Variants in SEC31B observed in about 807,000 individuals in gnomAD.
The protein encoded by SEC31B is protein transport protein Sec31B.
Under a neutral mutation model 135.0 loss-of-function variants are expected in SEC31B, and 113 were observed. The ratio of observed to expected loss-of-function variants is 0.84; its 90% confidence interval spans 0.72 to 0.98. SEC31B has a LOEUF of 0.98. Among genes scored for constraint, SEC31B ranks in the 50% least tolerant of loss-of-function variants. SEC31B has a pLI of 0.00. For synonymous variants in SEC31B, 508 were observed against 549.4 expected (o/e 0.92, Z 1.05); for missense variants, 1,296 against 1,421.1 (o/e 0.91, Z 1.42).
chr10:100,496,472 C>G, intron 17 of SEC31B, 41 bp from the exon 18 acceptor site: 1 of 1,604,784 alleles, frequency 6.2e-7, no homozygotes, highest in South Asian at 1.1e-5. Flanking sequence ...TTCAATGAGG[C>G]ATATCCTGCT....
intron 19 of SEC31B, among the ~76,000 whole-genome samples, chr10:100,493,222 A>T (rs1851336240): frequency 6.6e-6 from 1 of 151,848 alleles, no homozygotes; most frequent in Non-Finnish European, 1.5e-5. Flanking sequence ...AAATACAAAA[A>T]ATTATCCGGG....
In SEC31B at chr10:100,508,063, TG is replaced by T; in HGVS notation, c.496-13del. 6.2e-7 allele frequency: 1 copy of T among 1,614,078 alleles called. No homozygotes were observed. Among genetic ancestry groups the T allele is most frequent in the Non-Finnish European group, 8.5e-7 (1 of 1,179,970 alleles). On this transcript the variant is annotated splice_polypyrimidine_tract_variant and intron_variant, in intron 5 of 25. Coordinates refer to ENST00000370345, the MANE Select transcript of SEC31B (RefSeq NM_015490.4). ...TCCTCTGGAGGCTGCTAAGGCAGGA[TG>T]GGGACAGAAAGATGACAACTTGTCA...
rs12249105 is a variant in SEC31B, at chr10:100,509,524, G to A, written c.204-13C>T. 2,360 of 1,596,616 alleles carry A rather than the reference G, an allele frequency of 1.5e-3. 18 individuals are homozygous for A. The African/African-American group carries it at 0.022, about 15-fold the overall frequency. The stretch of plus-strand genomic sequence containing the variant: ...CAGCTTGTGAAACCTATAAAGAGGA[G>A]GAACTGGCATCAGTACAAACTTAGG... On this transcript the variant is annotated splice_polypyrimidine_tract_variant and intron_variant, in intron 3 of 25. Transcript: ENST00000370345.
chr10:100,497,234 G>A lies in SEC31B; in HGVS notation c.2037C>T (p.Thr679=), dbSNP rs1851428788. 1.2e-6 allele frequency: 2 copies of A among 1,614,252 alleles called. No homozygotes were observed. Among genetic ancestry groups the A allele is most frequent in the Non-Finnish European group, 1.7e-6 (2 of 1,180,048 alleles). The change falls in exon 17 of 26, where the codon ACC becomes ACT. Residue 679 remains threonine (T), a synonymous_variant. Coordinates refer to ENST00000370345, the MANE Select transcript of SEC31B (RefSeq NM_015490.4). The part of the protein sequence containing the change: ...RMEQEGSRAL[T]SEARLCYVCS... The stretch of plus-strand genomic sequence containing the variant: ...ACACATAACAGAGTCTGGCTTCGGA[G>A]GTTAGTGCCCTGCTGCCCTCCTGTT...
At chr10:100,515,699 G>C (rs758045295) in intron 3 of SEC31B, among the ~76,000 whole-genome samples, 5 of 152,222 alleles carry the variant, frequency 3.3e-5, no homozygotes, top group Admixed American at 6.5e-5. Context: ...GAACCAATCA[G>C]TGTCTAAAAG....
At position 100,507,433 on chromosome 10, in the gene SEC31B, G is replaced by A; in HGVS notation, c.774C>T (p.Ser258=). The A allele has an allele frequency of 6.2e-7, 1 of 1,614,200 alleles. No homozygotes were observed. The highest frequency in any genetic ancestry group is 2.2e-5 in the East Asian group (1 of 44,882). Residue 258 remains serine (S), a synonymous_variant, in exon 7 of 26, where the codon AGC becomes AGT. Transcript: ENST00000370345. Reference sequence around the variant, plus strand: ...GACGTCTGAGATGCTACCTGCTGTGGCTCTCCAGCACCTTCAAGGGCGAGG... The same window carrying A: ...GACGTCTGAGATGCTACCTGCTGTGACTCTCCAGCACCTTCAAGGGCGAGG... The part of the protein sequence containing the change: ...FASSPLKVLE[S]HSRGILSVSW...
At chr10:100,517,550 C>T (rs560668728) in intron 1 of SEC31B, among the ~76,000 whole-genome samples, 12 of 152,224 alleles carry the variant, frequency 7.9e-5, no homozygotes, top group Admixed American at 2.6e-4. Flanking sequence ...TTAGTAGAGA[C>T]GTAGTTTTAC....
intron 24 of SEC31B, 59 bp downstream of exon 24, chr10:100,488,799 G>GTCCACAAC: frequency 6.6e-7 from 1 of 1,512,178 alleles, no homozygotes; most frequent in African/African-American, 1.4e-5. Flanking sequence ...CCACAGCTGA[G>GTCCACAAC]GGGTCCTGGA....
At chr10:100,495,302 G>T in intron 19 of SEC31B, 83 bp downstream of exon 19, 1 of 1,269,452 alleles carries the variant, frequency 7.9e-7, no homozygotes, top group Non-Finnish European at 1.1e-6. Flanking sequence ...CATCAGTTTT[G>T]TTCACAATAT....
At chr10:100,501,035 T>TG (rs1851512005) in intron 11 of SEC31B, among the ~76,000 whole-genome samples, 1 of 150,686 alleles carries the variant, frequency 6.6e-6, no homozygotes, top group Non-Finnish European at 1.5e-5. Flanking sequence ...GGTGAAACCC[T>TG]GTCTCTACTA....
Position 100,508,039 on chromosome 10 carries a change from C to T in SEC31B, c.508G>A (p.Asp170Asn), listed in dbSNP as rs750349623. Residue 170 changes from aspartate (D) to asparagine (N), a missense_variant, in exon 6 of 26, where the codon GAC becomes AAC. Transcript: ENST00000370345. Reference protein sequence around the residue: ...LGSKSQQPPEDIKALSWNRQA... With the variant: ...LGSKSQQPPENIKALSWNRQA... ...CGGTTCCAAGACAGTGCCTTGATGT[C>T]CTCTGGAGGCTGCTAAGGCAGGATG... 1.5e-5 allele frequency: 25 copies of T among 1,614,112 alleles called. No homozygotes were observed. The highest frequency in any genetic ancestry group is 1.9e-5 in the Non-Finnish European group (23 of 1,180,056).
chr10:100,487,819 TTAGTGAGCC>T, intron 25 of SEC31B, 24 bp from the exon 26 acceptor site: 1 of 1,612,824 alleles, frequency 6.2e-7, no homozygotes, highest in South Asian at 1.1e-5. Context: ...GACCCTTAGG[TTAGTGAGCC>T]CAACCCAGCT....
chr10:100,488,421 T>C (rs1008173581), intron 24 of SEC31B, among the ~76,000 whole-genome samples: 14 of 139,992 alleles, frequency 1.0e-4, no homozygotes, highest in African/African-American at 3.0e-4. Flanking sequence ...ATCGCGCCAC[T>C]GCACTCCAGC....
Position 100,495,551 on chromosome 10 carries a change from A to G in SEC31B, c.2311-5T>C. On this transcript the variant is annotated splice_region_variant and splice_polypyrimidine_tract_variant and intron_variant, in intron 18 of 25. Transcript: ENST00000370345. ...TCTTAGCTGCTGAACTGGTGGCTAT[A>G]AGTTTTAATGAGGAAGAGCTGTGTC... The G allele has an allele frequency of 6.2e-7, 1 of 1,611,140 alleles. No homozygotes were observed. The highest frequency in any genetic ancestry group is 1.1e-5 in the South Asian group (1 of 90,234).
At chr10:100,492,601 T>C (rs1392746022) in intron 19 of SEC31B, among the ~76,000 whole-genome samples, 2 of 152,180 alleles carry the variant, frequency 1.3e-5, no homozygotes, top group South Asian at 2.1e-4. Flanking sequence ...TAAATGCATA[T>C]AGATTGAAAA....
intron 4 of SEC31B, 24 bp downstream of exon 4, chr10:100,509,292 G>C: frequency 6.2e-7 from 1 of 1,607,512 alleles, no homozygotes; most frequent in South Asian, 1.1e-5. Flanking sequence ...GCTTGGCCAT[G>C]TTTGACTAAC....
At chr10:100,508,625 A>C (rs774710913) in intron 5 of SEC31B, 1 of 421,418 alleles carries the variant, frequency 2.4e-6, no homozygotes, top group African/African-American at 2.1e-5. Flanking sequence ...CTCCATAAAA[A>C]GGACAATGGT....
At chr10:100,519,497 C>A (rs1042908526) in intron 1 of SEC31B, among the ~76,000 whole-genome samples, 2 of 152,254 alleles carry the variant, frequency 1.3e-5, no homozygotes, top group Non-Finnish European at 2.9e-5. Context: ...CTCGGCTGGG[C>A]CAGGTCAGGA....
At chr10:100,490,906 G>C (rs764178497) in intron 19 of SEC31B, 23 bp from the exon 20 acceptor site, 7 of 1,386,928 alleles carry the variant, frequency 5.0e-6, no homozygotes, top group Non-Finnish European at 6.6e-6. Context: ...AAAAACATCA[G>C]CTCTTGGAAA....
Sources: gnomAD v4.1 joint callset for allele counts (sites outside exome capture counted in the v4.1 genomes callset) on GRCh38, gnomAD v4.1.1 for gene constraint, MANE v1.5 for transcripts, NCBI Gene and HGNC (gene_info 2026-07-23, HGNC 2026-07-21) for gene names.